The following SDK1 variants were observed in gnomAD, a reference collection of about 807,000 sequenced individuals.
The protein encoded by SDK1 is sidekick cell adhesion molecule 1.
In SDK1, 157 loss-of-function variants were observed where a neutral mutation model predicts 245.5. That is an observed-to-expected ratio of 0.64 (90% CI 0.56 to 0.73). SDK1 has a LOEUF of 0.73. Among genes scored for constraint, SDK1 ranks in the 30% least tolerant of loss-of-function variants. SDK1 has a pLI of 0.00. For synonymous variants in SDK1, 1,647 were observed against 1,278.5 expected (o/e 1.29, Z -6.15); for missense variants, 3,583 against 3,002.3 (o/e 1.19, Z -4.52).
At chr7:3,768,935 G>T (rs949551843) in intron 4 of SDK1, among the ~76,000 whole-genome samples, 2 of 152,062 alleles carry the variant, frequency 1.3e-5, no homozygotes, top group African/African-American at 4.8e-5. Flanking sequence ...ATGAATATTC[G>T]TAAATTTCTG....
At chr7:3,429,379 G>C (rs1359413965) in intron 1 of SDK1, among the ~76,000 whole-genome samples, 1 of 152,172 alleles carries the variant, frequency 6.6e-6, no homozygotes, top group African/African-American at 2.4e-5. Context: ...GAGCTAGTAA[G>C]TAATAGAGTT....
At chr7:3,579,990 C>T (rs75764900) in intron 1 of SDK1, among the ~76,000 whole-genome samples, 21 of 152,126 alleles carry the variant, frequency 1.4e-4, no homozygotes, top group African/African-American at 4.8e-4. Context: ...CATTCCTATA[C>T]ACCAACAACA....
intron 4 of SDK1, among the ~76,000 whole-genome samples, chr7:3,761,184 A>G (rs1780085851): frequency 6.7e-6 from 1 of 149,634 alleles, no homozygotes; most frequent in Non-Finnish European, 1.5e-5. Flanking sequence ...AGTTGCATAG[A>G]GCTTTTTAAG....
chr7:3,521,932 C>G (rs752736912), intron 1 of SDK1, among the ~76,000 whole-genome samples: 1 of 151,982 alleles, frequency 6.6e-6, no homozygotes, highest in Non-Finnish European at 1.5e-5. Flanking sequence ...AAAGATGAGT[C>G]TGGGAGTGAT....
rs1277184991 is a variant in SDK1, at chr7:4,012,121, G to C, written c.2306G>C (p.Ser769Thr). ...TTGATGCTACCTGAAGAACCACCCA[G>C]TGCTCCCCCGAAAAATATAGTGGCC... ...SRLMLPEEPP[S>T]APPKNIVASG... The change falls in exon 16 of 45, where the codon AGT becomes ACT. Residue 769 changes from serine (S) to threonine (T), a missense_variant. Physicochemically the swap from Ser to Thr is moderately conservative, Grantham distance 58 (BLOSUM62 1). Coordinates refer to ENST00000404826, the MANE Select transcript of SDK1 (RefSeq NM_152744.4). 2 of 1,573,062 alleles carry C rather than the reference G, an allele frequency of 1.3e-6. No homozygotes were observed. The highest frequency in any genetic ancestry group is 8.6e-7 in the Non-Finnish European group (1 of 1,160,264).
At chr7:3,747,021 G>A (rs1335664654) in intron 4 of SDK1, among the ~76,000 whole-genome samples, 9 of 152,226 alleles carry the variant, frequency 5.9e-5, no homozygotes, top group Admixed American at 5.2e-4. Flanking sequence ...AGACGTGAAA[G>A]TCAAATTTAC....
At chr7:4,178,368 T>A (rs1782375077) in intron 34 of SDK1, 117 bp from the exon 35 acceptor site, 1 of 760,082 alleles carries the variant, frequency 1.3e-6, no homozygotes, top group Admixed American at 2.0e-5. Flanking sequence ...TTTCTAACAA[T>A]CCCGCCTCCT....
At chr7:3,411,645 A>T (rs1337305188) in intron 1 of SDK1, among the ~76,000 whole-genome samples, 1 of 152,186 alleles carries the variant, frequency 6.6e-6, no homozygotes, top group Non-Finnish European at 1.5e-5. Flanking sequence ...GATGAAAAAT[A>T]TGCTAATTTT....
rs1166634311 is a variant in SDK1, at chr7:3,701,056, C to T, written c.713+58951C>T. Reference sequence around the variant, plus strand: ...TTGCCGCGCAGGGAGGAGGCTGAGGCTATCTACGTAGAAAATTCCAAGGAA... The same window carrying T: ...TTGCCGCGCAGGGAGGAGGCTGAGGTTATCTACGTAGAAAATTCCAAGGAA... On this transcript the variant is annotated intron_variant, in intron 4 of 44. Coordinates refer to ENST00000404826, the MANE Select transcript of SDK1 (RefSeq NM_152744.4). Among the ~76,000 whole-genome samples the T allele has an allele frequency of 3.3e-5, 5 of 152,218 alleles. No individual in the cohort carries two copies. The East Asian group carries it at 7.7e-4, about 24-fold the overall frequency.
At chr7:3,731,619 A>C (rs187837687) in intron 4 of SDK1, among the ~76,000 whole-genome samples, 1 of 152,190 alleles carries the variant, frequency 6.6e-6, no homozygotes, top group South Asian at 2.1e-4. Flanking sequence ...TAATTTTTCT[A>C]TCTCTTGGTC....
intron 1 of SDK1, among the ~76,000 whole-genome samples, chr7:3,398,689 T>G (rs1487279174): frequency 6.6e-6 from 1 of 151,708 alleles, no homozygotes; most frequent in Non-Finnish European, 1.5e-5. Context: ...CCTCCAGTCT[T>G]CACCAGGAGA....
At chr7:4,187,488 G>C (rs898273059) in intron 35 of SDK1, among the ~76,000 whole-genome samples, 4 of 152,220 alleles carry the variant, frequency 2.6e-5, no homozygotes, top group Non-Finnish European at 4.4e-5. Context: ...ACAGGGCTCA[G>C]GTTGCATTCC....
chr7:4,186,820 G>A (rs760393622), intron 35 of SDK1, among the ~76,000 whole-genome samples: 11 of 152,190 alleles, frequency 7.2e-5, no homozygotes, highest in Admixed American at 1.3e-4. Context: ...GACAGTGCGG[G>A]TACAGGCATG....
chr7:3,428,525 C>G (rs1396411297), intron 1 of SDK1, among the ~76,000 whole-genome samples: 2 of 152,284 alleles, frequency 1.3e-5, no homozygotes, highest in Non-Finnish European at 2.9e-5. Context: ...CAATCTGTCT[C>G]TTAATGCTTC....
intron 35 of SDK1, among the ~76,000 whole-genome samples, chr7:4,185,819 G>C (rs892090953): frequency 1.3e-5 from 2 of 149,776 alleles, no homozygotes; most frequent in African/African-American, 4.9e-5. Context: ...GGAAGGGTGG[G>C]AGGGAGAGAA....
At chr7:3,747,555 A>G (rs1443479604) in intron 4 of SDK1, among the ~76,000 whole-genome samples, 2 of 152,232 alleles carry the variant, frequency 1.3e-5, no homozygotes, top group Non-Finnish European at 2.9e-5. Context: ...CATGCTAAGC[A>G]CTAGGAATAG....
In SDK1 at chr7:3,638,998, C is replaced by T. The variant is rs1253678524; in HGVS notation, c.459-6C>T. On this transcript the variant is annotated splice_polypyrimidine_tract_variant and splice_region_variant and intron_variant, in intron 2 of 44. Coordinates refer to ENST00000404826, the MANE Select transcript of SDK1 (RefSeq NM_152744.4). Reference sequence around the variant, plus strand: ...AGCATTAACACTTCTTTTTGCTATTCAACAGGTACATTATTCCATCTTTGC... The same window carrying T: ...AGCATTAACACTTCTTTTTGCTATTTAACAGGTACATTATTCCATCTTTGC... The T allele has an allele frequency of 1.9e-6, 3 of 1,577,008 alleles. No individual in the cohort carries two copies. Among genetic ancestry groups the T allele is most frequent in the South Asian group, 1.1e-5 (1 of 87,454 alleles).
chr7:4,157,414 A>AAAGGAGGGAAGG (rs1383673998), intron 30 of SDK1, among the ~76,000 whole-genome samples: 7 of 39,502 alleles, frequency 1.8e-4, no homozygotes, highest in East Asian at 7.5e-4. Context: ...GGAATGAAGA[A>AAAGGAGGGAAGG]AAGGAGGGAA....
At chr7:4,263,174 C>G (rs1788159448) in intron 44 of SDK1, among the ~76,000 whole-genome samples, 1 of 32,506 alleles carries the variant, frequency 3.1e-5, no homozygotes, top group Non-Finnish European at 5.7e-5. Flanking sequence ...TCCTTCCCCT[C>G]TACCTCATCA....
Sources: gnomAD v4.1 joint callset for allele counts (sites outside exome capture counted in the v4.1 genomes callset) on GRCh38, gnomAD v4.1.1 for gene constraint, MANE v1.5 for transcripts, NCBI Gene and HGNC (gene_info 2026-07-23, HGNC 2026-07-21) for gene names.